SAMD4A: variants seen among roughly 807,000 people sequenced by gnomAD.
SAMD4A encodes the protein sterile alpha motif domain containing 4A.
In SAMD4A, 33 loss-of-function variants were observed where a neutral mutation model predicts 81.3. The observed-to-expected ratio is 0.41, with a 90% CI of 0.31 to 0.54. The LOEUF (loss-of-function observed/expected upper bound fraction) is 0.54, where lower values mean the gene tolerates loss of function less well. Ranked by LOEUF, SAMD4A falls within the 20% of genes least tolerant of loss-of-function variation. The pLI is 0.37. For synonymous variants in SAMD4A, 389 were observed against 382.1 expected, an observed-to-expected ratio of 1.02 and a Z score of -0.21; for missense variants, 854 against 951.1, an observed-to-expected ratio of 0.90 and a Z score of 1.34.
At chr14:54,595,427 ATAT>A (rs987049477) in intron 2 of SAMD4A, among the ~76,000 whole-genome samples, 1 of 148,128 alleles carries the variant, frequency 6.8e-6, no homozygotes, top group African/African-American at 2.4e-5. Context: ...ATTTATATAT[ATAT>A]TATTATAATA....
At chr14:54,574,201 A>G (rs1171030602) in intron 2 of SAMD4A, among the ~76,000 whole-genome samples, 4 of 152,218 alleles carry the variant, frequency 2.6e-5, no homozygotes, top group African/African-American at 9.7e-5. Flanking sequence ...CGAGTTGCAG[A>G]GCTGAAACAA....
intron 3 of SAMD4A, among the ~76,000 whole-genome samples, chr14:54,714,285 T>C (rs1366111773): frequency 1.3e-5 from 2 of 152,154 alleles, no homozygotes; most frequent in Non-Finnish European, 2.9e-5. Flanking sequence ...TAGATTCTAG[T>C]TTTTCTTTTT....
chr14:54,739,423 G>T (rs1263887963), intron 4 of SAMD4A, among the ~76,000 whole-genome samples: 3 of 151,442 alleles, frequency 2.0e-5, no homozygotes, highest in Non-Finnish European at 4.4e-5. Flanking sequence ...ATGGCCTGCT[G>T]TATTTCCACC....
rs776774264 is a variant in SAMD4A at position 54,770,187 on chromosome 14, C to A, written c.1680C>A (p.Thr560=). ...QKLFRSFPRK[T]LLDISGYRQQ... ...TCTTTCGGTCTTTCCCTCGGAAAAC[C>A]CTTCTAGACATATCAGGATATCGAC... The change falls in exon 9 of 13, where the codon ACC becomes ACA. Residue 560 remains threonine, a synonymous_variant. Transcript: ENST00000554335. 1.9e-6 allele frequency: 3 copies of A among 1,613,220 alleles called. No individual in the cohort carries two copies. The highest frequency in any genetic ancestry group is 1.7e-6 in the Non-Finnish European group (2 of 1,179,346).
At chr14:54,765,057 T>C (rs1225595699) in intron 8 of SAMD4A, among the ~76,000 whole-genome samples, 1 of 152,188 alleles carries the variant, frequency 6.6e-6, no homozygotes, top group Non-Finnish European at 1.5e-5. Flanking sequence ...AGGCTGCAGG[T>C]GTGCCTACTG....
chr14:54,589,022 A>G (rs1445068978), intron 2 of SAMD4A, among the ~76,000 whole-genome samples: 2 of 152,208 alleles, frequency 1.3e-5, no homozygotes, highest in Non-Finnish European at 2.9e-5. Context: ...AATGTATACA[A>G]CGTATATATT....
chr14:54,707,180 A>G (rs2036882028), intron 3 of SAMD4A, among the ~76,000 whole-genome samples: 1 of 147,676 alleles, frequency 6.8e-6, no homozygotes, highest in Non-Finnish European at 1.5e-5. Flanking sequence ...CATGGCTCAC[A>G]GCAGCATCAA....
chr14:54,588,376 A>C (rs2033682482), intron 2 of SAMD4A, among the ~76,000 whole-genome samples: 1 of 150,812 alleles, frequency 6.6e-6, no homozygotes, highest in South Asian at 2.1e-4. Flanking sequence ...TTGTTGTTTT[A>C]ATTTTATTTA....
chr14:54,571,220 A>G lies in SAMD4A; in HGVS notation c.196+3108A>G, dbSNP rs75602810. On this transcript the variant is annotated intron_variant, in intron 2 of 12. Transcript: ENST00000554335. ...CTGGTTCATCCTTTGCCTCAGGCTC[A>G]TGGTCATTGGAGATTCCAAGAAATG... Among the ~76,000 whole-genome samples the G allele has an allele frequency of 2.2e-3, 339 of 152,322 alleles. 1 individual carries two copies. Among genetic ancestry groups the G allele is most frequent in the African/African-American group, 7.8e-3 (326 of 41,574 alleles).
chr14:54,782,182 G>C (rs2139973274), intron 11 of SAMD4A, among the ~76,000 whole-genome samples: 1 of 152,272 alleles, frequency 6.6e-6, no homozygotes, highest in South Asian at 2.1e-4. Flanking sequence ...GCTGCGTGTT[G>C]GCAAGAAATC....
At chr14:54,764,322 T>C in intron 7 of SAMD4A, 133 bp from the exon 8 acceptor site, 1 of 668,646 alleles carries the variant, frequency 1.5e-6, no homozygotes. Flanking sequence ...TCTTGGCCTT[T>C]TTTGTGAGCC....
chr14:54,658,502 T>A lies in SAMD4A; in HGVS notation c.197-43560T>A, dbSNP rs150533327. Among the ~76,000 whole-genome samples, 230 of 152,046 alleles carry A rather than the reference T, an allele frequency of 1.5e-3. 1 individual carries two copies. The highest frequency in any genetic ancestry group is 5.2e-3 in the African/African-American group (216 of 41,444). On this transcript the variant is annotated intron_variant, in intron 2 of 12. Transcript: ENST00000554335. The stretch of plus-strand genomic sequence containing the variant: ...CTTTTCTGAACAAATGACCACTGAG[T>A]CCCACCTCTAGCTAGGCCCCCATCC...
intron 2 of SAMD4A, among the ~76,000 whole-genome samples, chr14:54,579,043 G>A (rs184593319): frequency 5.3e-5 from 8 of 152,222 alleles, no homozygotes; most frequent in Admixed American, 1.3e-4. Flanking sequence ...TCTTCTCTCC[G>A]TGTAGTTCTA....
chr14:54,599,212 C>T (rs1382296385), intron 2 of SAMD4A, among the ~76,000 whole-genome samples: 1 of 152,130 alleles, frequency 6.6e-6, no homozygotes, highest in Non-Finnish European at 1.5e-5. Flanking sequence ...AAATATTATA[C>T]CTGTTTTTGA....
chr14:54,672,973 G>A (rs775055565), intron 2 of SAMD4A, among the ~76,000 whole-genome samples: 8 of 152,226 alleles, frequency 5.3e-5, no homozygotes, highest in Non-Finnish European at 8.8e-5. Flanking sequence ...CTCACCGGAA[G>A]AGATCTTGAA....
intron 2 of SAMD4A, among the ~76,000 whole-genome samples, chr14:54,668,060 C>T (rs972320263): frequency 1.3e-5 from 2 of 152,196 alleles, no homozygotes; most frequent in African/African-American, 2.4e-5. Flanking sequence ...ATCGGATTTC[C>T]GCCTCAAAAA....
chr14:54,744,625 A>G (rs2037923245), intron 4 of SAMD4A, among the ~76,000 whole-genome samples: 1 of 152,148 alleles, frequency 6.6e-6, no homozygotes, highest in African/African-American at 2.4e-5. Flanking sequence ...AGACCCACTG[A>G]TGTGCACATG....
chr14:54,621,924 T>C (rs1033695851), intron 2 of SAMD4A, among the ~76,000 whole-genome samples: 3 of 152,194 alleles, frequency 2.0e-5, no homozygotes, highest in Non-Finnish European at 4.4e-5. Context: ...CTTTTAAAAA[T>C]ATCCTTACTC....
chr14:54,622,024 G>A (rs2034630064), intron 2 of SAMD4A, among the ~76,000 whole-genome samples: 1 of 152,086 alleles, frequency 6.6e-6, no homozygotes, highest in Non-Finnish European at 1.5e-5. Flanking sequence ...GAAGTATTTT[G>A]CTGATTTTTC....
Sources: allele counts gnomAD v4.1 joint callset (sites outside exome capture counted in the v4.1 genomes callset), GRCh38; gene constraint gnomAD v4.1.1; transcripts MANE v1.5; gene names NCBI Gene and HGNC (gene_info 2026-07-23, HGNC 2026-07-21).